Variants in UBR7 observed in about 807,000 individuals in gnomAD.
The protein encoded by UBR7 is ubiquitin protein ligase E3 component n-recognin 7.
Under a neutral mutation model 57.0 loss-of-function variants are expected in UBR7, and 22 were observed. That is an observed-to-expected ratio of 0.39 (90% CI 0.28 to 0.55). UBR7 has a LOEUF of 0.55. Among genes scored for constraint, UBR7 ranks in the 20% least tolerant of loss-of-function variants. The probability of loss-of-function intolerance (pLI) is 0.69; values close to 1 mark genes in which losing one functional copy is unlikely to be tolerated. For synonymous variants in UBR7, 167 were observed against 179.8 expected (o/e 0.93, Z 0.57); for missense variants, 395 against 513.2 (o/e 0.77, Z 2.23).
chr14:93,221,945 C>T (rs1300489624), intron 9 of UBR7, among the ~76,000 whole-genome samples: 5 of 151,928 alleles, frequency 3.3e-5, no homozygotes, highest in Non-Finnish European at 7.4e-5. Flanking sequence ...AGTGAGACTC[C>T]ATCTCAAAAA....
intron 10 of UBR7, chr14:93,224,192 T>C: frequency 1.8e-6 from 1 of 561,412 alleles, no homozygotes; most frequent in Non-Finnish European, 3.2e-6. Flanking sequence ...CGTTTTTTTC[T>C]TTGTCATAGA....
chr14:93,220,912 G>A (rs17128943), intron 9 of UBR7, among the ~76,000 whole-genome samples: 16,506 of 151,814 alleles, frequency 0.11, 940 homozygotes, highest in African/African-American at 0.14. Flanking sequence ...ACTTTTATGT[G>A]ACTTTTATAG....
At chr14:93,209,648 A>G (rs1243427381) in intron 1 of UBR7, among the ~76,000 whole-genome samples, 176 bp from the exon 2 acceptor site, 4 of 152,252 alleles carry the variant, frequency 2.6e-5, no homozygotes, top group African/African-American at 9.6e-5. Context: ...TGAAACTTGC[A>G]ACGCAACTGT....
intron 10 of UBR7, chr14:93,223,579 C>G (rs570148106): frequency 1.1e-6 from 1 of 888,232 alleles, no homozygotes; most frequent in East Asian, 2.6e-5. Flanking sequence ...TGGGGCACAC[C>G]CGGGCGAGGG....
At position 93,209,651 on chromosome 14, in the gene UBR7, G is replaced by T. The variant is rs563233187; in HGVS notation, c.151-173G>T. Among the ~76,000 whole-genome samples the T allele has an allele frequency of 2.0e-5, 3 of 152,292 alleles. No homozygotes were observed. The South Asian group carries it at 6.2e-4, about 32-fold the overall frequency. ...CTAGTATAAAAATGAAACTTGCAACGCAACTGTGTTTTGGTTGATGCTCTG... is the reference window on the plus strand; with the variant it reads ...CTAGTATAAAAATGAAACTTGCAACTCAACTGTGTTTTGGTTGATGCTCTG... On this transcript the variant is annotated intron_variant, in intron 1 of 10. Coordinates refer to ENST00000013070, the MANE Select transcript of UBR7 (RefSeq NM_175748.4).
Position 93,228,834 on chromosome 14 carries a change from A to G in UBR7, c.*1799A>G, listed in dbSNP as rs1453668845. 2 of 454,156 alleles carry G rather than the reference A, an allele frequency of 4.4e-6. No individual in the cohort carries two copies. The highest frequency in any genetic ancestry group is 4.7e-5 in the Admixed American group (2 of 42,580). The allele number at this position is 454,156 out of a possible 1,614,324, so 28.1% of individuals were successfully genotyped here. A position where few individuals can be genotyped will look rare whatever the true frequency, so the allele number is the denominator to read the frequency against. On this transcript the variant is annotated 3_prime_UTR_variant, in exon 11 of 11. Coordinates refer to ENST00000013070, the MANE Select transcript of UBR7 (RefSeq NM_175748.4). The stretch of plus-strand genomic sequence containing the variant: ...ACTACCAGAAAGTCCCTTACTTCCT[A>G]TGACCAATCAGGACCAAGTCTTGGA...
intron 3 of UBR7, 95 bp downstream of exon 3, chr14:93,210,803 A>C: frequency 1.8e-6 from 2 of 1,081,186 alleles, no homozygotes; most frequent in Non-Finnish European, 2.7e-6. Context: ...TTTTCCAAAA[A>C]AAGAAGTTCT....
At position 93,207,280 on chromosome 14, in the gene UBR7, T is replaced by G; in HGVS notation, c.-12T>G. ...CGCCGGGGCCGAGCCGCTGTTCGGCTGACAGTTGAGGATGGCCGGAGCCGA... is the reference window on the plus strand; with the variant it reads ...CGCCGGGGCCGAGCCGCTGTTCGGCGGACAGTTGAGGATGGCCGGAGCCGA... On this transcript the variant is annotated 5_prime_UTR_variant, in exon 1 of 11. Transcript: ENST00000013070. 6.4e-7 allele frequency: 1 copy of G among 1,552,680 alleles called. No homozygotes were observed. Among genetic ancestry groups the G allele is most frequent in the Non-Finnish European group, 8.7e-7 (1 of 1,148,186 alleles).
chr14:93,207,458 G>C lies in UBR7; in HGVS notation c.150+17G>C. The C allele has an allele frequency of 6.5e-7, 1 of 1,539,858 alleles. No homozygotes were observed. The highest frequency in any genetic ancestry group is 8.7e-7 in the Non-Finnish European group (1 of 1,145,288). On this transcript the variant is annotated intron_variant, in intron 1 of 10. Coordinates refer to ENST00000013070, the MANE Select transcript of UBR7 (RefSeq NM_175748.4). ...TACTCTCAGGTGGGCGCGCGGCCCGGGCCTCCTCTCCCCCGGCTCCCGCCG... is the reference window on the plus strand; with the variant it reads ...TACTCTCAGGTGGGCGCGCGGCCCGCGCCTCCTCTCCCCCGGCTCCCGCCG...
intron 6 of UBR7, among the ~76,000 whole-genome samples, chr14:93,215,645 C>T (rs1263396): frequency 0.26 from 37,651 of 146,538 alleles, 5,118 homozygotes; most frequent in South Asian, 0.35. Context: ...GCCGAGATCA[C>T]GTCACTGCAG....
intron 8 of UBR7, 90 bp from the exon 9 acceptor site, chr14:93,220,159 G>T: frequency 7.4e-7 from 1 of 1,355,896 alleles, no homozygotes; most frequent in East Asian, 2.3e-5. Context: ...TACATTTTTA[G>T]TGATTCTCAG....
intron 9 of UBR7, among the ~76,000 whole-genome samples, chr14:93,220,827 C>T (rs1246342503): frequency 6.6e-6 from 1 of 151,618 alleles, no homozygotes; most frequent in Admixed American, 6.6e-5. Flanking sequence ...TACATCCCCC[C>T]ACCACCACCC....
chr14:93,225,453 C>A (rs1386483668), intron 10 of UBR7, among the ~76,000 whole-genome samples: 1 of 136,206 alleles, frequency 7.3e-6, no homozygotes, highest in Admixed American at 7.2e-5. Flanking sequence ...ATGATGAGAC[C>A]CCGCCTCTAC....
chr14:93,226,981 G>C lies in UBR7; in HGVS notation c.1224G>C (p.Glu408Asp). The change falls in exon 11 of 11, where the codon GAG becomes GAC. Residue 408 changes from glutamate to aspartate, a missense_variant. Coordinates refer to ENST00000013070, the MANE Select transcript of UBR7 (RefSeq NM_175748.4). ...KREDIQQFFE[E>D]FQSKKRRRVD... ...AGGACATTCAGCAGTTCTTTGAAGA[G>C]TTTCAGTCAAAAAAGAGAAGAAGAG... 1 of 1,613,116 alleles carries C rather than the reference G, an allele frequency of 6.2e-7. No homozygotes were observed. Among genetic ancestry groups the C allele is most frequent in the South Asian group, 1.1e-5 (1 of 91,018 alleles).
intron 6 of UBR7, among the ~76,000 whole-genome samples, chr14:93,216,536 C>T (rs532135616): frequency 5.9e-5 from 9 of 152,140 alleles, no homozygotes; most frequent in Admixed American, 5.9e-4. Context: ...ACCAGTTCAC[C>T]ATACAAACCA....
intron 6 of UBR7, among the ~76,000 whole-genome samples, chr14:93,218,081 C>T (rs1894625286): frequency 7.2e-6 from 1 of 138,146 alleles, no homozygotes; most frequent in Non-Finnish European, 1.5e-5. Context: ...GCAACAAGAG[C>T]GAAACTCTAT....
At chr14:93,210,091 T>TTATTTATTTATTTATC in intron 2 of UBR7, 134 bp downstream of exon 2, 1 of 621,844 alleles carries the variant, frequency 1.6e-6, no homozygotes, top group Admixed American at 3.8e-5. Flanking sequence ...ATTTATTTAT[T>TTATTTATTTATTTATC]TATTTATTTT....
In UBR7 at chr14:93,219,266, C is replaced by G. The variant is rs117381852; in HGVS notation, c.865C>G (p.Gln289Glu). ...AGAATCAAAATCTGGCTGCAAACTTCAGGAGCTTAAAGCTAAGCAGCTTAT... is the reference window on the plus strand; with the variant it reads ...AGAATCAAAATCTGGCTGCAAACTTGAGGAGCTTAAAGCTAAGCAGCTTAT... ...NAESKSGCKL[Q>E]ELKAKQLIKK... Residue 289 changes from glutamine (Q) to glutamate (E), a missense_variant, in exon 8 of 11, where the codon CAG becomes GAG. Physicochemically the swap from Gln to Glu is conservative, Grantham distance 29. Transcript: ENST00000013070. 134 of 1,614,182 alleles carry G rather than the reference C, an allele frequency of 8.3e-5. No individual in the cohort carries two copies. In the East Asian group the frequency reaches 2.7e-3, roughly 32 times the overall value.
Position 93,227,122 on chromosome 14 carries a change from C to T in UBR7, c.*87C>T. ...AAGAGGTGTGGTTCACATTTGGCCC[C>T]CTTTCCGTCCTCCTCTGTTTGGAGA... On this transcript the variant is annotated 3_prime_UTR_variant, in exon 11 of 11. Coordinates refer to ENST00000013070, the MANE Select transcript of UBR7 (RefSeq NM_175748.4). The T allele has an allele frequency of 9.9e-7, 1 of 1,006,840 alleles. No homozygotes were observed. Among genetic ancestry groups the T allele is most frequent in the South Asian group, 1.3e-5 (1 of 75,840 alleles). The allele number at this position is 1,006,840 out of a possible 1,614,324, so 62.4% of individuals were successfully genotyped here.
Sources: allele counts gnomAD v4.1 joint callset (sites outside exome capture counted in the v4.1 genomes callset), GRCh38; gene constraint gnomAD v4.1.1; transcripts MANE v1.5; gene names NCBI Gene and HGNC (gene_info 2026-07-23, HGNC 2026-07-21).